PCDH15: variants seen among roughly 807,000 people sequenced by gnomAD.
The protein encoded by PCDH15 is protocadherin related 15.
PCDH15 carries 129 observed loss-of-function variants against 178.5 expected under a neutral mutation model. The ratio of observed to expected loss-of-function variants is 0.72; its 90% CI spans 0.63 to 0.84. PCDH15 has a LOEUF of 0.84. Ranked by LOEUF, PCDH15 falls within the 40% of genes least tolerant of loss-of-function variation. The pLI, the probability that PCDH15 is intolerant of heterozygous loss-of-function variation, is 0.00. For synonymous variants in PCDH15, 800 were observed against 732.0 expected, an observed-to-expected ratio of 1.09 and a Z score of -1.50; for missense variants, 2,230 against 2,099.9, an observed-to-expected ratio of 1.06 and a Z score of -1.21.
At chr10:53,935,817 G>A (rs1342364934) in intron 25 of PCDH15, among the ~76,000 whole-genome samples, 1 of 151,898 alleles carries the variant, frequency 6.6e-6, no homozygotes, top group Non-Finnish European at 1.5e-5. Context: ...ATTTGCTATG[G>A]AGACGTTTTT....
At chr10:54,159,108 CAA>C (rs34942409) in intron 13 of PCDH15, among the ~76,000 whole-genome samples, 7 of 125,588 alleles carry the variant, frequency 5.6e-5, no homozygotes, top group Non-Finnish European at 3.5e-5. Flanking sequence ...GAGTCTGTCT[CAA>C]AAAAAAAAAA....
chr10:54,145,419 T>C (rs966431321), intron 14 of PCDH15, among the ~76,000 whole-genome samples: 1 of 152,152 alleles, frequency 6.6e-6, no homozygotes, highest in Non-Finnish European at 1.5e-5. Flanking sequence ...TTACTGTTTT[T>C]GTTTTCCTTT....
intron 1 of PCDH15, among the ~76,000 whole-genome samples, chr10:55,198,917 G>A (rs997926402): frequency 6.6e-5 from 10 of 151,956 alleles, no homozygotes; most frequent in African/African-American, 1.7e-4. Context: ...TCCCAGCCAC[G>A]CTTCCTGTAC....
intron 2 of PCDH15, among the ~76,000 whole-genome samples, chr10:55,538,638 C>CTTT: frequency 8.9e-5 from 1 of 11,212 alleles, no homozygotes; most frequent in African/African-American, 4.5e-4. Flanking sequence ...TTCCTTCCTC[C>CTTT]CTTCCTTCCT....
At chr10:54,865,196 C>T (rs1325378787) in intron 3 of PCDH15, among the ~76,000 whole-genome samples, 1 of 152,154 alleles carries the variant, frequency 6.6e-6, no homozygotes. Context: ...TGGGTAGGCA[C>T]CATCCAATCA....
chr10:55,077,719 G>C (rs1439480291), intron 2 of PCDH15, among the ~76,000 whole-genome samples: 6 of 151,986 alleles, frequency 3.9e-5, no homozygotes. Flanking sequence ...GCTACTTTTT[G>C]TATTTTTAGT....
intron 2 of PCDH15, among the ~76,000 whole-genome samples, chr10:54,939,448 C>T (rs1733759): frequency 0.71 from 101,175 of 142,714 alleles, 36,375 homozygotes; most frequent in Middle Eastern, 0.82. Flanking sequence ...TGAGCCGAGA[C>T]CTCGCCACTG....
intron 18 of PCDH15, among the ~76,000 whole-genome samples, chr10:54,052,843 T>C (rs558806727): frequency 6.6e-6 from 1 of 152,212 alleles, no homozygotes; most frequent in East Asian, 1.9e-4. Flanking sequence ...TGGGAGGTAA[T>C]TGAATCATGA....
In PCDH15 at chr10:53,866,875, A is replaced by G. The variant is rs957492151; in HGVS notation, c.3502-18T>C. 1 of 1,528,008 alleles carries G rather than the reference A, an allele frequency of 6.5e-7. No individual in the cohort carries two copies. The highest frequency in any genetic ancestry group is 1.1e-5 in the South Asian group (1 of 89,168). The allele number at this position is 1,528,008 out of a possible 1,614,324, so 94.7% of individuals were successfully genotyped here. A position where few individuals can be genotyped will look rare whatever the true frequency, so the allele number is the denominator to read the frequency against. ...TCAGTAGCCTAGACGGAGGGGAAAA[A>G]AAAAGAGATTATAATTAAGCAGGAA... On this transcript the variant is annotated intron_variant, in intron 26 of 37. Transcript: ENST00000644397.
intron 2 of PCDH15, among the ~76,000 whole-genome samples, chr10:54,616,671 C>T (rs71492624): frequency 0.15 from 22,991 of 151,976 alleles, 2,161 homozygotes; most frequent in Middle Eastern, 0.22. Context: ...TCACAGCCAC[C>T]AAAGACACTT....
intron 2 of PCDH15, among the ~76,000 whole-genome samples, chr10:55,495,292 G>A (rs1357130479): frequency 6.6e-6 from 1 of 151,588 alleles, no homozygotes; most frequent in African/African-American, 2.4e-5. Flanking sequence ...AAACCCTTAT[G>A]CTACAAATAT....
At chr10:54,240,626 CTT>C (rs1228784141) in intron 8 of PCDH15, among the ~76,000 whole-genome samples, 1 of 79,662 alleles carries the variant, frequency 1.3e-5, no homozygotes. Flanking sequence ...TTTTCTTTTG[CTT>C]TTTTTTTTTT....
At chr10:54,613,349 T>C (rs912013868) in intron 2 of PCDH15, among the ~76,000 whole-genome samples, 6 of 151,920 alleles carry the variant, frequency 3.9e-5, no homozygotes, top group African/African-American at 7.2e-5. Context: ...GTTCAGGAAG[T>C]TCAATAAATC....
chr10:55,328,279 C>T (rs1352055480), intron 2 of PCDH15, among the ~76,000 whole-genome samples: 3 of 151,654 alleles, frequency 2.0e-5, no homozygotes, highest in Admixed American at 2.0e-4. Context: ...TAATGGGATA[C>T]ATTCTGATAA....
chr10:55,515,470 G>A (rs1199384588), intron 2 of PCDH15, among the ~76,000 whole-genome samples: 1 of 151,856 alleles, frequency 6.6e-6, no homozygotes, highest in Non-Finnish European at 1.5e-5. Flanking sequence ...CTTTCATTAA[G>A]GTAGATTTTT....
At chr10:54,430,466 A>C (rs1173069798) in intron 3 of PCDH15, among the ~76,000 whole-genome samples, 9 of 152,200 alleles carry the variant, frequency 5.9e-5, no homozygotes, top group African/African-American at 1.9e-4. Flanking sequence ...CAAGCATCTT[A>C]TCTAACCACA....
At chr10:55,256,408 A>C (rs2132229787) in intron 1 of PCDH15, among the ~76,000 whole-genome samples, 1 of 152,304 alleles carries the variant, frequency 6.6e-6, no homozygotes, top group South Asian at 2.1e-4. Flanking sequence ...ACCGAGCATG[A>C]GCCGAAGCAG....
In PCDH15 at chr10:54,023,064, T is replaced by C. The variant is rs753912234; in HGVS notation, c.2354A>G (p.Tyr785Cys). 1.2e-5 allele frequency: 20 copies of C among 1,613,876 alleles called. No homozygotes were observed. The highest frequency in any genetic ancestry group is 1.6e-4 in the Middle Eastern group (1 of 6,082). The stretch of plus-strand genomic sequence containing the variant: ...ATCTGTTGCCACAACAACAAGTTCA[T>C]AGTAGTCCCTGACTTCTCTGTTAAG... ...VKLNREVRDY[Y>C]ELVVVATDGA... is the part of the protein sequence containing the mutation. Residue 785 changes from tyrosine (Y) to cysteine (C), a missense_variant, in exon 19 of 38, where the codon TAT (tyrosine) becomes TGT (cysteine). By Grantham distance (194) the Tyr-to-Cys change is radical. Coordinates refer to ENST00000644397, the MANE Select transcript of PCDH15 (RefSeq NM_001384140.1).
chr10:53,820,790 T>C (rs1245580140), intron 32 of PCDH15, among the ~76,000 whole-genome samples: 2 of 151,996 alleles, frequency 1.3e-5, no homozygotes, highest in South Asian at 2.1e-4. Context: ...AATTTAACAA[T>C]TGGAGCGCTA....
Sources: allele counts gnomAD v4.1 joint callset (sites outside exome capture counted in the v4.1 genomes callset), GRCh38; gene constraint gnomAD v4.1.1; transcripts MANE v1.5; gene names NCBI Gene and HGNC (gene_info 2026-07-23, HGNC 2026-07-21).